Variants in CHRNA3 observed in about 807,000 individuals in gnomAD.
The protein encoded by CHRNA3 is cholinergic receptor nicotinic alpha 3 subunit.
Under a neutral mutation model 41.9 loss-of-function variants are expected in CHRNA3, and 34 were observed. The observed-to-expected ratio is 0.81, with a 90% CI of 0.62 to 1.08. The LOEUF (loss-of-function observed/expected upper bound fraction) is 1.08. CHRNA3 is among the 50% of genes least tolerant of loss of function. The pLI is 0.00. For synonymous variants in CHRNA3, 281 were observed against 265.2 expected, an observed-to-expected ratio of 1.06 and a Z score of -0.58; for missense variants, 542 against 638.3, an observed-to-expected ratio of 0.85 and a Z score of 1.63.
intron 1 of CHRNA3, chr15:78,619,206 C>T (rs2053512591): frequency 2.1e-6 from 1 of 474,934 alleles, no homozygotes; most frequent in African/African-American, 1.9e-5. Context: ...CACTTGTAAG[C>T]TGTGTGAGCT....
At chr15:78,593,366 C>T, downstream of CHRNA3, 2 of 1,053,760 alleles carry the variant, frequency 1.9e-6, no homozygotes, top group Non-Finnish European at 2.6e-6. Context: ...CTTTAACAGA[C>T]TAAGTTGCTA....
At position 78,602,274 on chromosome 15, in the gene CHRNA3, C is replaced by CA. The variant is rs761402698; in HGVS notation, c.378-11dup. 1.2e-6 allele frequency: 2 copies of CA among 1,610,446 alleles called. No homozygotes were observed. Among genetic ancestry groups the CA allele is most frequent in the South Asian group, 2.2e-5 (2 of 90,666 alleles). On this transcript the variant is annotated splice_polypyrimidine_tract_variant and intron_variant, in intron 4 of 5. Transcript: ENST00000326828. ...GAAATCCCCAACAGCACTGCAAAGA[C>CA]AAAGAGGGGGCACAGTGACACACGG...
rs998646168 is a variant in CHRNA3, at chr15:78,596,872, T to C, written c.1390-140A>G. ...TGTAAGAAGCCCTTTTTTTCCTAAT[T>C]GATGTGGTCTGAGGAAATCCACCAT... On this transcript the variant is annotated intron_variant, in intron 5 of 5. Transcript: ENST00000326828. The C allele has an allele frequency of 9.6e-6, 12 of 1,250,628 alleles. No individual in the cohort carries two copies. In the African/African-American group the frequency reaches 1.1e-4, roughly 11 times the overall value. The allele number at this position is 1,250,628 out of a possible 1,614,324, so 77.5% of individuals were successfully genotyped here. A position where few individuals can be genotyped will look rare whatever the true frequency, so the allele number is the denominator to read the frequency against.
rs200681637 is a variant in CHRNA3, at chr15:78,601,290, A to G, written c.1352T>C (p.Ile451Thr). 2.5e-4 allele frequency: 401 copies of G among 1,614,076 alleles called. 3 individuals carry two copies. The South Asian group carries it at 4.3e-3, about 17-fold the overall frequency. The change falls in exon 5 of 6, where the codon ATT becomes ACT. Residue 451 changes from isoleucine (I) to threonine (T), a missense_variant. Physicochemically the swap from Ile to Thr is moderately conservative, Grantham distance 89 (BLOSUM62 -1). Transcript: ENST00000326828. ...ATTTTGTGCTTTCATATTTTCAGCA[A>G]TATACTTGACACTTTGGATGGCTTC... ...IKEAIQSVKY[I>T]AENMKAQNEA... is the part of the protein sequence containing the mutation.
At chr15:78,618,472 A>C in intron 3 of CHRNA3, 145 bp downstream of exon 3, 4 of 868,092 alleles carry the variant, frequency 4.6e-6, no homozygotes, top group Non-Finnish European at 7.4e-6. Flanking sequence ...AAGCCTTAGA[A>C]GAGATATATC....
intron 4 of CHRNA3, among the ~76,000 whole-genome samples, chr15:78,614,115 G>A (rs139905932): frequency 2.0e-4 from 31 of 152,286 alleles, no homozygotes; most frequent in Admixed American, 5.2e-4. Context: ...CCTCTCCACA[G>A]CCAATTTGCA....
chr15:78,620,396 G>GGGCAGGGCGACGGGCAGCGCGT, intron 1 of CHRNA3: 1 of 370,586 alleles, frequency 2.7e-6, no homozygotes, highest in Non-Finnish European at 4.8e-6. Flanking sequence ...GGGCAGCGCG[G>GGGCAGGGCGACGGGCAGCGCGT]GGACGCGAAT....
chr15:78,613,835 A>T (rs146009840), intron 4 of CHRNA3, among the ~76,000 whole-genome samples: 35,973 of 150,658 alleles, frequency 0.24, 5,707 homozygotes, highest in Middle Eastern at 0.4. Flanking sequence ...AGTCCCAGCT[A>T]CTTGGGAGGC....
chr15:78,620,368 T>TGCGTGGGGCAGGGCGACGGGCA (rs2053530439), intron 1 of CHRNA3: 1 of 261,106 alleles, frequency 3.8e-6, no homozygotes, highest in Non-Finnish European at 7.3e-6. Context: ...TGGGAGCCAG[T>TGCGTGGGGCAGGGCGACGGGCA]GCGCGGGGCA....
intron 4 of CHRNA3, 76 bp from the exon 5 acceptor site, chr15:78,602,340 T>C (rs2053219175): frequency 6.9e-7 from 1 of 1,448,906 alleles, no homozygotes; most frequent in South Asian, 1.3e-5. Flanking sequence ...TCAACCAGCT[T>C]CTCACAGTAA....
At chr15:78,600,272 G>A (rs189382837) in intron 5 of CHRNA3, among the ~76,000 whole-genome samples, 3 of 151,944 alleles carry the variant, frequency 2.0e-5, no homozygotes, top group Admixed American at 6.6e-5. Context: ...ACGGGGTTTC[G>A]CTATGTTTCC....
At chr15:78,618,755 C>A in intron 2 of CHRNA3, 21 bp downstream of exon 2, 1 of 1,614,132 alleles carries the variant, frequency 6.2e-7, no homozygotes, top group Non-Finnish European at 8.5e-7. Context: ...ATGGCCACGG[C>A]TCGTGGCTTC....
At chr15:78,617,772 G>A (rs760842196) in intron 3 of CHRNA3, among the ~76,000 whole-genome samples, 5 of 152,192 alleles carry the variant, frequency 3.3e-5, no homozygotes, top group African/African-American at 4.8e-5. Context: ...TGTGCTGAGT[G>A]CTCAGCTGGC....
downstream of CHRNA3, chr15:78,593,530 C>G (rs142884378): frequency 2.2e-4 from 50 of 224,862 alleles, no homozygotes; most frequent in African/African-American, 1.0e-3. Context: ...GCAAATAATA[C>G]TAATTTATAA....
intron 4 of CHRNA3, among the ~76,000 whole-genome samples, chr15:78,614,225 A>G (rs569146531): frequency 6.6e-6 from 1 of 152,332 alleles, no homozygotes; most frequent in African/African-American, 2.4e-5. Context: ...ATAAAACGCA[A>G]AACATGAAGA....
intron 4 of CHRNA3, among the ~76,000 whole-genome samples, chr15:78,606,211 A>C (rs1008584171): frequency 3.3e-5 from 5 of 152,034 alleles, no homozygotes; most frequent in African/African-American, 1.2e-4. Flanking sequence ...CTGTAGTCCC[A>C]GCTACTTGGG....
chr15:78,615,176 A>C (rs1010969739), intron 4 of CHRNA3, among the ~76,000 whole-genome samples: 3 of 151,970 alleles, frequency 2.0e-5, no homozygotes, highest in Non-Finnish European at 4.4e-5. Flanking sequence ...TGCTCATCCT[A>C]CTCTGTACAT....
chr15:78,595,948 G>T lies in CHRNA3; in HGVS notation c.*656C>A. On this transcript the variant is annotated 3_prime_UTR_variant, in exon 6 of 6. Transcript: ENST00000326828. ...CCAAATTTGCTGGTGCCTTGACCTT[G>T]GACCTCCCAACCTCCAAAACTGAGA... The T allele has an allele frequency of 1.6e-6, 1 of 642,904 alleles. No individual in the cohort carries two copies. Among genetic ancestry groups the T allele is most frequent in the Non-Finnish European group, 1.9e-6 (1 of 518,560 alleles). 39.8% of individuals were successfully genotyped at this position (642,904 alleles called of 1,614,324 possible).
rs766450343 is a variant in CHRNA3 at position 78,601,404 on chromosome 15, G to T, written c.1238C>A (p.Ser413Tyr). The part of the protein sequence containing the change: ...GYCHHRRIKI[S>Y]NFSANLTRSS... ...TCTCGTGAGGTTAGCACTGAAATTG[G>T]AGATTTTTATCCTGCGGTGGTGGCA... Residue 413 changes from serine to tyrosine, a missense_variant, in exon 5 of 6, where the codon TCC (serine) becomes TAC (tyrosine). Transcript: ENST00000326828. The T allele has an allele frequency of 6.2e-7, 1 of 1,614,172 alleles. No individual in the cohort carries two copies. Among genetic ancestry groups the T allele is most frequent in the Non-Finnish European group, 8.5e-7 (1 of 1,180,024 alleles).
Sources: allele counts gnomAD v4.1 joint callset (sites outside exome capture counted in the v4.1 genomes callset), GRCh38; gene constraint gnomAD v4.1.1; transcripts MANE v1.5; gene names NCBI Gene and HGNC (gene_info 2026-07-23, HGNC 2026-07-21).